ADAM28: variants seen among roughly 807,000 people sequenced by gnomAD.
ADAM28 encodes ADAM metallopeptidase domain 28.
Under a neutral mutation model 101.2 loss-of-function variants are expected in ADAM28, and 105 were observed. The observed-to-expected ratio is 1.04, with a 90% CI of 0.89 to 1.22. ADAM28 has a LOEUF of 1.22. Ranked by LOEUF, ADAM28 falls within the 50% of genes most tolerant of loss-of-function variation. ADAM28 has a pLI of 0.00. For missense variants in ADAM28, 1,028 were observed against 945.4 expected (o/e 1.09, Z -1.15); for synonymous variants, 322 against 310.6 (o/e 1.04, Z -0.39).
At chr8:24,322,329 C>T (rs1180409768) in intron 8 of ADAM28, among the ~76,000 whole-genome samples, 5 of 151,928 alleles carry the variant, frequency 3.3e-5, no homozygotes, top group South Asian at 2.1e-4. Flanking sequence ...CTAGGTGAGG[C>T]GATAAGCCAA....
chr8:24,335,787 G>T, intron 14 of ADAM28, 146 bp downstream of exon 14: 1 of 1,316,186 alleles, frequency 7.6e-7, no homozygotes, highest in South Asian at 2.8e-5. Context: ...AAGATTTGAG[G>T]TTGGTTTTAG....
At chr8:24,310,100 G>C in intron 3 of ADAM28, 63 bp from the exon 4 acceptor site, 2 of 1,580,254 alleles carry the variant, frequency 1.3e-6, no homozygotes, top group Non-Finnish European at 1.7e-6. Flanking sequence ...AATGACTTGA[G>C]AATTTCCATG....
chr8:24,314,026 A>G (rs12676565), intron 6 of ADAM28, among the ~76,000 whole-genome samples: 27,624 of 152,076 alleles, frequency 0.18, 2,690 homozygotes, highest in East Asian at 0.34. Flanking sequence ...CAAAGTGCTG[A>G]GATTACAGGC....
In ADAM28 at chr8:24,295,683, G is replaced by A. The variant is rs571553662; in HGVS notation, c.46+1488G>A. On this transcript the variant is annotated intron_variant, in intron 1 of 22. Transcript: ENST00000265769. ...GCACACTAATCAGTTCTGCTGCCCC[G>A]ACGGTGCATGTATAACATGGCACCA... The A allele has an allele frequency of 2.8e-3, 433 of 152,232 alleles. 1 individual carries two copies. Among genetic ancestry groups the A allele is most frequent in the African/African-American group, 9.9e-3 (410 of 41,538 alleles). The allele number at this position is 152,232 out of a possible 1,614,324, so 9.4% of individuals were successfully genotyped here.
At chr8:24,343,713 A>G (rs1252462498) in intron 18 of ADAM28, 129 bp downstream of exon 18, 3 of 791,252 alleles carry the variant, frequency 3.8e-6, no homozygotes, top group Non-Finnish European at 6.0e-6. Context: ...TGTTGAATCC[A>G]CAATATTTAT....
At chr8:24,323,233 G>A (rs1812114337) in intron 8 of ADAM28, among the ~76,000 whole-genome samples, 1 of 151,808 alleles carries the variant, frequency 6.6e-6, no homozygotes, top group Non-Finnish European at 1.5e-5. Flanking sequence ...TCTCATTCAT[G>A]AGGGCTCCAC....
chr8:24,321,709 C>G (rs1811906427), intron 8 of ADAM28, among the ~76,000 whole-genome samples: 1 of 151,882 alleles, frequency 6.6e-6, no homozygotes, highest in East Asian at 1.9e-4. Context: ...GTTACTAAAG[C>G]CTAATGCATA....
chr8:24,327,446 T>C (rs746802155), intron 10 of ADAM28, among the ~76,000 whole-genome samples: 31 of 152,130 alleles, frequency 2.0e-4, no homozygotes, highest in South Asian at 6.2e-4. Flanking sequence ...ATCAATATCA[T>C]GGAAATGGCC....
chr8:24,325,871 C>CAAAAAAAAAAAAAAAAAAAAAAAA (rs5890146), intron 9 of ADAM28, among the ~76,000 whole-genome samples: 4 of 20,416 alleles, frequency 2.0e-4, no homozygotes, highest in Non-Finnish European at 2.4e-4. Context: ...GTACAGATAG[C>CAAAAAAAAAAAAAAAAAAAAAAAA]AAAAAAAAAA....
At chr8:24,324,034 A>C (rs748525096) in intron 9 of ADAM28, 31 bp downstream of exon 9, 14 of 1,603,804 alleles carry the variant, frequency 8.7e-6, no homozygotes, top group Middle Eastern at 1.7e-4. Flanking sequence ...ATTGCACACT[A>C]TGTGGTATTT....
rs10108491 is a variant in ADAM28 at position 24,316,053 on chromosome 8, A to G, written c.576+2473A>G. Reference sequence around the variant, plus strand: ...CATAGAAGAAAAGTTCCTCAACATCATAAAGGCCATTTATTTATTTATTTA... The same window carrying G: ...CATAGAAGAAAAGTTCCTCAACATCGTAAAGGCCATTTATTTATTTATTTA... On this transcript the variant is annotated intron_variant, in intron 6 of 22. Coordinates refer to ENST00000265769, the MANE Select transcript of ADAM28 (RefSeq NM_014265.6). Among the ~76,000 whole-genome samples the G allele has an allele frequency of 7.3e-3, 1,092 of 150,614 alleles. 15 individuals are homozygous for G. Among genetic ancestry groups the G allele is most frequent in the African/African-American group, 0.025 (1,020 of 41,108 alleles).
chr8:24,337,881 C>G (rs1814285205), intron 14 of ADAM28, among the ~76,000 whole-genome samples: 2 of 152,092 alleles, frequency 1.3e-5, no homozygotes, highest in African/African-American at 4.8e-5. Context: ...AGAAGAAATA[C>G]AAATGTCCTG....
At chr8:24,330,837 TA>T (rs1159901648) in intron 11 of ADAM28, among the ~76,000 whole-genome samples, 1 of 152,184 alleles carries the variant, frequency 6.6e-6, no homozygotes, top group East Asian at 1.9e-4. Flanking sequence ...CTGAGACATG[TA>T]AATAAATATT....
Position 24,355,282 on chromosome 8 carries a change from A to G in ADAM28, c.*878A>G, listed in dbSNP as rs970252557. 1 of 152,194 alleles carries G rather than the reference A, an allele frequency of 6.6e-6. No homozygotes were observed. The allele number at this position is 152,194 out of a possible 1,614,324, so 9.4% of individuals were successfully genotyped here. ...CATTGCCCATAGCAACCGTCAGCTTAGTTGATGGGTAATGTAGCAAACACT... is the reference window on the plus strand; with the variant it reads ...CATTGCCCATAGCAACCGTCAGCTTGGTTGATGGGTAATGTAGCAAACACT... On this transcript the variant is annotated 3_prime_UTR_variant, in exon 23 of 23. Transcript: ENST00000265769.
Position 24,331,496 on chromosome 8 carries a change from A to G in ADAM28, c.1281+169A>G, listed in dbSNP as rs369849956. Among the ~76,000 whole-genome samples the G allele has an allele frequency of 3.3e-5, 5 of 152,094 alleles. No homozygotes were observed. In the East Asian group the frequency reaches 9.7e-4, roughly 29 times the overall value. On this transcript the variant is annotated intron_variant, in intron 12 of 22. Coordinates refer to ENST00000265769, the MANE Select transcript of ADAM28 (RefSeq NM_014265.6). ...AAATCTTTCTGACAAGGAACCCTGCACTTCTGAACAGACCTTGCTAATTTC... is the reference window on the plus strand; with the variant it reads ...AAATCTTTCTGACAAGGAACCCTGCGCTTCTGAACAGACCTTGCTAATTTC...
chr8:24,335,396 G>A (rs1360481015), intron 13 of ADAM28, 50 bp from the exon 14 acceptor site: 8 of 1,523,980 alleles, frequency 5.2e-6, no homozygotes, highest in South Asian at 2.6e-5. Context: ...AGGTATTAGG[G>A]TAAAGCAGGT....
At chr8:24,300,165 G>A in intron 2 of ADAM28, 88 bp downstream of exon 2, 1 of 1,092,504 alleles carries the variant, frequency 9.2e-7, no homozygotes, top group Non-Finnish European at 1.3e-6. Context: ...AGATAGATAT[G>A]GGATTTATAC....
chr8:24,353,695 A>C, intron 21 of ADAM28, 75 bp from the exon 22 acceptor site: 2 of 1,001,014 alleles, frequency 2.0e-6, no homozygotes, highest in South Asian at 2.8e-5. Flanking sequence ...AATTTCATTA[A>C]GGAAATAAAT....
rs1009273645 is a variant in ADAM28 at position 24,313,547 on chromosome 8, G to A, written c.543G>A (p.Gln181=). 5.0e-6 allele frequency: 8 copies of A among 1,613,584 alleles called. No homozygotes were observed. The Admixed American group carries it at 1.2e-4, about 24-fold the overall frequency. Residue 181 remains glutamine (Q), a synonymous_variant, in exon 6 of 23, where the codon CAG becomes CAA. Transcript: ENST00000265769. ...GTGTGTTGTGGGCCCACGATTTGCA[G>A]CAGAACATTGCCCTACCTGCCACCA... The part of the protein sequence containing the change: ...MDGVLWAHDL[Q]QNIALPATKL...
Sources: gnomAD v4.1 joint callset for allele counts (sites outside exome capture counted in the v4.1 genomes callset) on GRCh38, gnomAD v4.1.1 for gene constraint, MANE v1.5 for transcripts, NCBI Gene and HGNC (gene_info 2026-07-23, HGNC 2026-07-21) for gene names.